KIF26B: variants seen among roughly 807,000 people sequenced by gnomAD.
The protein encoded by KIF26B is kinesin-like protein KIF26B.
In KIF26B, 63 loss-of-function variants were observed where a neutral mutation model predicts 151.2. The observed-to-expected ratio is 0.42, with a 90% CI of 0.34 to 0.51. The LOEUF is 0.51. KIF26B is among the 20% of genes least tolerant of loss of function. The pLI, the probability that KIF26B is intolerant of heterozygous loss-of-function variation, is 0.07. For missense variants in KIF26B, 2,813 were observed against 2,913.6 expected (o/e 0.97, Z 0.79); for synonymous variants, 1,357 against 1,262.1 (o/e 1.08, Z -1.59).
At chr1:245,626,565 TC>T (rs2043726651) in intron 9 of KIF26B, among the ~76,000 whole-genome samples, 1 of 152,204 alleles carries the variant, frequency 6.6e-6, no homozygotes, top group Admixed American at 6.5e-5. Flanking sequence ...TCTATTCAGA[TC>T]CTTTGCCCAA....
chr1:245,582,596 A>C (rs2043186400), intron 5 of KIF26B, among the ~76,000 whole-genome samples: 1 of 152,288 alleles, frequency 6.6e-6, no homozygotes. Flanking sequence ...TTTTGTGCAC[A>C]ATTTATATGC....
intron 14 of KIF26B, among the ~76,000 whole-genome samples, chr1:245,701,533 T>A (rs994551877): frequency 2.0e-5 from 3 of 152,194 alleles, no homozygotes; most frequent in Admixed American, 6.5e-5. Flanking sequence ...CTCAGGGACC[T>A]CATCTGCAGA....
At chr1:245,604,078 G>T (rs1400187379) in intron 6 of KIF26B, among the ~76,000 whole-genome samples, 1 of 152,150 alleles carries the variant, frequency 6.6e-6, no homozygotes, top group Non-Finnish European at 1.5e-5. Context: ...GTTCCTTCAG[G>T]GGAGGGAGCA....
intron 9 of KIF26B, among the ~76,000 whole-genome samples, chr1:245,616,277 T>G (rs1038866848): frequency 6.6e-6 from 1 of 152,216 alleles, no homozygotes; most frequent in African/African-American, 2.4e-5. Context: ...TTGGAATTAG[T>G]GGGACTGATC....
chr1:245,487,244 A>G (rs1007715644), intron 4 of KIF26B, among the ~76,000 whole-genome samples: 5 of 152,196 alleles, frequency 3.3e-5, no homozygotes, highest in Non-Finnish European at 7.3e-5. Flanking sequence ...CATTTAACAG[A>G]TTTAAACAGA....
intron 2 of KIF26B, among the ~76,000 whole-genome samples, chr1:245,357,229 G>A (rs527350906): frequency 1.3e-5 from 2 of 152,362 alleles, no homozygotes; most frequent in Admixed American, 1.3e-4. Flanking sequence ...TCAGATTTAA[G>A]ATTGAAAAGG....
At position 245,688,370 on chromosome 1, in the gene KIF26B, C is replaced by T; in HGVS notation, c.5387C>T (p.Ala1796Val). The T allele has an allele frequency of 5.8e-6, 9 of 1,545,586 alleles. No individual in the cohort carries two copies. Among genetic ancestry groups the T allele is most frequent in the Non-Finnish European group, 7.8e-6 (9 of 1,154,618 alleles). Residue 1796 changes from alanine to valine, a missense_variant, in exon 12 of 15, where the codon GCC (alanine) becomes GTC (valine). Ala to Val is a moderately conservative substitution (Grantham distance 64, BLOSUM62 0). This residue lies in a region of KIF26B where 2,060 missense variants were observed against 2,088.6 expected (regional missense o/e 0.99). Transcript: ENST00000407071. Reference sequence around the variant, plus strand: ...AGCAGGAACAGGAGCTCGGGCCTGGCCTCCAAGCTTCCCCTGCGGGCCGTC... The same window carrying T: ...AGCAGGAACAGGAGCTCGGGCCTGGTCTCCAAGCTTCCCCTGCGGGCCGTC... ...SLSRNRSSGL[A>V]SKLPLRAVSG...
At chr1:245,253,335 A>G (rs564251249) in intron 2 of KIF26B, among the ~76,000 whole-genome samples, 16 of 152,268 alleles carry the variant, frequency 1.1e-4, no homozygotes, top group Non-Finnish European at 1.9e-4. Context: ...TAGGAGTTAC[A>G]TTAAGAGATT....
chr1:245,384,499 G>C (rs190897908), intron 3 of KIF26B, among the ~76,000 whole-genome samples: 1 of 152,104 alleles, frequency 6.6e-6, no homozygotes, highest in Non-Finnish European at 1.5e-5. Context: ...ACAGCTCATC[G>C]CAGTCTCAAA....
chr1:245,619,948 C>A (rs1179197877), intron 9 of KIF26B, among the ~76,000 whole-genome samples: 2 of 151,434 alleles, frequency 1.3e-5, no homozygotes, highest in Non-Finnish European at 2.9e-5. Context: ...AAAAATTAAT[C>A]TCTGTGTTAT....
At chr1:245,242,452 G>A (rs1670225227) in intron 2 of KIF26B, among the ~76,000 whole-genome samples, 2 of 152,194 alleles carry the variant, frequency 1.3e-5, no homozygotes, top group African/African-American at 4.8e-5. Context: ...GTTCTCATTT[G>A]AGCTAGATAT....
At chr1:245,654,323 G>GA (rs201871710) in intron 10 of KIF26B, among the ~76,000 whole-genome samples, 137 of 152,076 alleles carry the variant, frequency 9.0e-4, no homozygotes, top group African/African-American at 3.2e-3. Flanking sequence ...TGGGGAGGGG[G>GA]CAAAAAATAA....
At chr1:245,182,029 T>C (rs1668917175) in intron 2 of KIF26B, among the ~76,000 whole-genome samples, 1 of 152,210 alleles carries the variant, frequency 6.6e-6, no homozygotes, top group Admixed American at 6.5e-5. Context: ...GGCCTAACTC[T>C]TGGCCAATTA....
intron 4 of KIF26B, among the ~76,000 whole-genome samples, chr1:245,494,133 C>T (rs1272462980): frequency 3.9e-5 from 6 of 151,992 alleles, no homozygotes; most frequent in South Asian, 2.1e-4. Context: ...GGTGAAACCC[C>T]GTCTCTACTA....
intron 4 of KIF26B, among the ~76,000 whole-genome samples, chr1:245,455,129 C>T (rs927216389): frequency 3.9e-5 from 6 of 152,128 alleles, no homozygotes; most frequent in African/African-American, 9.7e-5. Flanking sequence ...CATTGGTATC[C>T]GATCTCTCCC....
chr1:245,649,960 C>G (rs770668574), intron 10 of KIF26B, among the ~76,000 whole-genome samples: 9 of 152,184 alleles, frequency 5.9e-5, no homozygotes, highest in Non-Finnish European at 1.2e-4. Flanking sequence ...ATGATATTGC[C>G]CTTGAAGATG....
chr1:245,691,110 G>A (rs544243843), intron 12 of KIF26B, among the ~76,000 whole-genome samples: 25 of 152,304 alleles, frequency 1.6e-4, no homozygotes, highest in South Asian at 8.3e-4. Context: ...AGTGCCTTGC[G>A]TCTACCAGTC....
At position 245,218,992 on chromosome 1, in the gene KIF26B, G is replaced by GC. The variant is rs143953635; in HGVS notation, c.465+62314dup. Reference sequence around the variant, plus strand: ...CTGTGTATGCCAGGAGGGAGCATCTGCCCCCATCTACTCTCTGGGAAGATG... The same window carrying GC: ...CTGTGTATGCCAGGAGGGAGCATCTGCCCCCCATCTACTCTCTGGGAAGATG... On this transcript the variant is annotated intron_variant, in intron 2 of 14. Transcript: ENST00000407071. The surrounding 1 kb of genome is among the most constrained non-coding windows in gnomAD (Gnocchi z 4.1). Among the ~76,000 whole-genome samples the GC allele has an allele frequency of 4.3e-3, 656 of 152,120 alleles. 6 individuals are homozygous for GC. Among genetic ancestry groups the GC allele is most frequent in the African/African-American group, 0.014 (584 of 41,486 alleles).
chr1:245,698,420 C>A lies in KIF26B; in HGVS notation c.6027+112C>A. ...GAAAACTCAGACCCGGGCTTCCCAG[C>A]GGGCTTCTGGCATGGGTGGTGGGAA... On this transcript the variant is annotated intron_variant, in intron 13 of 14. Coordinates refer to ENST00000407071, the MANE Select transcript of KIF26B (RefSeq NM_018012.4). The surrounding 1 kb of genome is among the most constrained non-coding windows in gnomAD (Gnocchi z 4.0). The A allele has an allele frequency of 3.0e-6, 3 of 1,004,998 alleles. No individual in the cohort carries two copies. Among genetic ancestry groups the A allele is most frequent in the South Asian group, 1.6e-5 (1 of 63,172 alleles). The allele number at this position is 1,004,998 out of a possible 1,614,324, so 62.3% of individuals were successfully genotyped here.
Sources: gnomAD v4.1 joint callset for allele counts (sites outside exome capture counted in the v4.1 genomes callset) on GRCh38, gnomAD v4.1.1 for gene constraint, gnomAD v4.1.1 regional missense constraint, Gnocchi (gnomAD v3.1) non-coding constraint, MANE v1.5 for transcripts, NCBI Gene and HGNC (gene_info 2026-07-23, HGNC 2026-07-21) for gene names.